The following PRKG1 variants were observed in gnomAD, a reference collection of about 807,000 sequenced individuals.
The protein encoded by PRKG1 is cGMP-dependent protein kinase 1.
In PRKG1, 35 loss-of-function variants were observed where a neutral mutation model predicts 88.1. The ratio of observed to expected loss-of-function variants is 0.40; its 90% CI spans 0.30 to 0.53. The LOEUF (loss-of-function observed/expected upper bound fraction) is 0.53, where lower values mean the gene tolerates loss of function less well. Among genes scored for constraint, PRKG1 ranks in the 20% least tolerant of loss-of-function variants. The probability of loss-of-function intolerance (pLI) is 0.59; values close to 1 mark genes in which losing one functional copy is unlikely to be tolerated. For synonymous variants in PRKG1, 303 were observed against 292.5 expected (o/e 1.04, Z -0.37); for missense variants, 540 against 839.8 (o/e 0.64, Z 4.41).
In PRKG1 at chr10:52,054,473, C is replaced by A. The variant is rs1300316574; in HGVS notation, c.763-11C>A. 6.2e-7 allele frequency: 1 copy of A among 1,608,274 alleles called. No individual in the cohort carries two copies. The highest frequency in any genetic ancestry group is 8.5e-7 in the Non-Finnish European group (1 of 1,175,760). ...TGCTTAATTTTTTTTCTTATTGTTTCTACTTTTCAGACCCACTATGAAAAT... is the reference window on the plus strand; with the variant it reads ...TGCTTAATTTTTTTTCTTATTGTTTATACTTTTCAGACCCACTATGAAAAT... On this transcript the variant is annotated splice_polypyrimidine_tract_variant and intron_variant, in intron 5 of 17. Transcript: ENST00000373980.
intron 9 of PRKG1, among the ~76,000 whole-genome samples, chr10:52,233,462 G>C (rs1464571556): frequency 2.1e-5 from 3 of 145,458 alleles, no homozygotes; most frequent in South Asian, 4.6e-4. Context: ...TGCGTGCACC[G>C]TGCGCGAGCC....
At chr10:52,227,349 T>C (rs1345684905) in intron 9 of PRKG1, among the ~76,000 whole-genome samples, 1 of 152,162 alleles carries the variant, frequency 6.6e-6, no homozygotes, top group Non-Finnish European at 1.5e-5. Flanking sequence ...TTCCACATCA[T>C]TGGATTCAAC....
chr10:51,148,141 T>G, intron 1 of PRKG1: 1 of 550,874 alleles, frequency 1.8e-6, no homozygotes, highest in Admixed American at 6.4e-5. Context: ...TAACTCGGAA[T>G]TAGAAACTTT....
intron 1 of PRKG1, among the ~76,000 whole-genome samples, chr10:51,053,794 AC>A (rs1843596157): frequency 7.3e-6 from 1 of 137,124 alleles, no homozygotes; most frequent in African/African-American, 2.7e-5. Flanking sequence ...TTTTTTTTTA[AC>A]TTTTGAATAT....
Position 51,131,453 on chromosome 10 carries a change from C to T in PRKG1, c.312-21711C>T, listed in dbSNP as rs144779933. On this transcript the variant is annotated intron_variant, in intron 1 of 17. Coordinates refer to ENST00000373980, the MANE Select transcript of PRKG1 (RefSeq NM_006258.4). ...GTAACTTTTGTTTAACCTATTAAAA[C>T]GGAAGATGATGGGCTGGGAGCGGTG... 2.1e-3 allele frequency among the ~76,000 whole-genome samples: 317 copies of T among 152,174 alleles called. 2 individuals carry two copies. The highest frequency in any genetic ancestry group is 7.4e-3 in the African/African-American group (308 of 41,526).
intron 2 of PRKG1, among the ~76,000 whole-genome samples, chr10:51,172,740 A>G (rs935227657): frequency 2.0e-5 from 3 of 151,936 alleles, no homozygotes; most frequent in Non-Finnish European, 4.4e-5. Flanking sequence ...AAAACTGCAC[A>G]CTATTTTCCA....
At chr10:51,748,993 C>T (rs551409727) in intron 3 of PRKG1, among the ~76,000 whole-genome samples, 52 of 152,312 alleles carry the variant, frequency 3.4e-4, no homozygotes, top group African/African-American at 1.2e-3. Flanking sequence ...CTACATTTTA[C>T]TGTTGCTTAA....
At chr10:51,018,116 C>T (rs1843092424) in intron 1 of PRKG1, among the ~76,000 whole-genome samples, 1 of 152,154 alleles carries the variant, frequency 6.6e-6, no homozygotes, top group Non-Finnish European at 1.5e-5. Context: ...GCCCCCGAGC[C>T]AGTGTTTGGA....
chr10:51,169,946 G>A (rs1215468008), intron 2 of PRKG1, among the ~76,000 whole-genome samples: 5 of 151,900 alleles, frequency 3.3e-5, no homozygotes. Flanking sequence ...ATGCTCGCTT[G>A]TCTGTGTGCC....
chr10:51,113,529 T>C (rs979364748), intron 1 of PRKG1, among the ~76,000 whole-genome samples: 57 of 152,218 alleles, frequency 3.7e-4, no homozygotes, highest in African/African-American at 1.3e-3. Flanking sequence ...AAGTAAAAAC[T>C]GTTCAGTGTT....
chr10:51,895,696 C>T lies in PRKG1; in HGVS notation c.699-11811C>T, dbSNP rs1156470257. On this transcript the variant is annotated intron_variant, in intron 4 of 17. Coordinates refer to ENST00000373980, the MANE Select transcript of PRKG1 (RefSeq NM_006258.4). ...CCCAAGCAGGTGGTTAGGCTCTTTC[C>T]GTCTATTGGTCTCAGGGTTTTTGGT... Among the ~76,000 whole-genome samples the T allele has an allele frequency of 2.6e-5, 4 of 152,072 alleles. No individual in the cohort carries two copies. The East Asian group carries it at 5.8e-4, about 22-fold the overall frequency.
At chr10:51,666,515 T>C (rs1415259460) in intron 3 of PRKG1, among the ~76,000 whole-genome samples, 2 of 152,176 alleles carry the variant, frequency 1.3e-5, no homozygotes, top group African/African-American at 4.8e-5. Flanking sequence ...ATTTACTCCA[T>C]AGCATCTTTT....
At chr10:51,815,867 A>C (rs1407227573) in intron 4 of PRKG1, among the ~76,000 whole-genome samples, 3 of 152,182 alleles carry the variant, frequency 2.0e-5, no homozygotes, top group African/African-American at 4.8e-5. Context: ...GCCCCTGGAA[A>C]GGGAAGCCCT....
At chr10:51,724,678 C>T (rs72797385) in intron 3 of PRKG1, among the ~76,000 whole-genome samples, 3,289 of 152,106 alleles carry the variant, frequency 0.022, 54 homozygotes, top group Non-Finnish European at 0.031. Flanking sequence ...GCAAGAGCCA[C>T]CGTGCCTGGC....
At chr10:52,189,090 T>G (rs1839296042) in intron 9 of PRKG1, among the ~76,000 whole-genome samples, 1 of 152,198 alleles carries the variant, frequency 6.6e-6, no homozygotes, top group Non-Finnish European at 1.5e-5. Context: ...TATATCAGTC[T>G]AAGAGTTTTT....
At chr10:52,231,748 C>T (rs1840528468) in intron 9 of PRKG1, among the ~76,000 whole-genome samples, 1 of 152,182 alleles carries the variant, frequency 6.6e-6, no homozygotes, top group Non-Finnish European at 1.5e-5. Context: ...TGTTAGCAGC[C>T]TGAAACCTAA....
intron 5 of PRKG1, among the ~76,000 whole-genome samples, chr10:51,986,330 C>T (rs1844156601): frequency 6.6e-6 from 1 of 152,156 alleles, no homozygotes; most frequent in African/African-American, 2.4e-5. Flanking sequence ...CAAGAAATAT[C>T]TCTTCTAAAC....
chr10:52,283,054 T>A (rs1201389370), intron 14 of PRKG1, among the ~76,000 whole-genome samples: 1 of 151,984 alleles, frequency 6.6e-6, no homozygotes. Context: ...GTCACAGACA[T>A]GGAGAAGGTT....
intron 2 of PRKG1, among the ~76,000 whole-genome samples, chr10:51,220,874 A>G (rs1667704514): frequency 6.6e-6 from 1 of 152,154 alleles, no homozygotes; most frequent in Admixed American, 6.5e-5. Context: ...AAAGAATTAA[A>G]TAAAGAGGAT....
Sources: allele counts gnomAD v4.1 joint callset (sites outside exome capture counted in the v4.1 genomes callset), GRCh38; gene constraint gnomAD v4.1.1; transcripts MANE v1.5; gene names NCBI Gene and HGNC (gene_info 2026-07-23, HGNC 2026-07-21).